Variants in CRHR1 observed in about 807,000 individuals in gnomAD.
The protein encoded by CRHR1 is corticotropin-releasing hormone receptor 1.
In CRHR1, 28 loss-of-function variants were observed where a neutral mutation model predicts 56.0. That is an observed-to-expected ratio of 0.50 (90% CI 0.37 to 0.69). The LOEUF (loss-of-function observed/expected upper bound fraction) is 0.69. Ranked by LOEUF, CRHR1 falls within the 30% of genes least tolerant of loss-of-function variation. The pLI, the probability that CRHR1 is intolerant of heterozygous loss-of-function variation, is 0.00. For synonymous variants in CRHR1, 195 were observed against 216.5 expected, an observed-to-expected ratio of 0.90 and a Z score of 0.87; for missense variants, 376 against 548.0, an observed-to-expected ratio of 0.69 and a Z score of 3.13.
chr17:45,791,515 T>C (rs2061424837), intron 1 of CRHR1, among the ~76,000 whole-genome samples: 1 of 152,092 alleles, frequency 6.6e-6, no homozygotes, highest in Non-Finnish European at 1.5e-5. Context: ...ATTCTTGCTT[T>C]TAACTTTCTC....
In CRHR1 at chr17:45,784,605, C is replaced by A. The variant is rs973929574; in HGVS notation, c.33+28C>A. ...AACAGCCCGCCGGCCATCCCTCGAG[C>A]GCTGGCGCCCCCGGCCCCTGGCGGA... On this transcript the variant is annotated intron_variant, in intron 1 of 12. Transcript: ENST00000314537. The surrounding 1 kb of genome is among the most constrained non-coding windows in gnomAD (Gnocchi z 4.2). The A allele has an allele frequency of 1.5e-5, 23 of 1,537,952 alleles. No homozygotes were observed. The highest frequency in any genetic ancestry group is 1.9e-5 in the Non-Finnish European group (22 of 1,141,498).
intron 1 of CRHR1, among the ~76,000 whole-genome samples, chr17:45,785,207 C>T (rs2061313303): frequency 6.6e-6 from 1 of 152,238 alleles, no homozygotes; most frequent in African/African-American, 2.4e-5. Flanking sequence ...CCTGGGCACC[C>T]GCGATCCCCG....
Position 45,823,606 on chromosome 17 carries a change from C to T in CRHR1, c.327+2166C>T, listed in dbSNP as rs1200025378. Among the ~76,000 whole-genome samples, 12 of 152,240 alleles carry T rather than the reference C, an allele frequency of 7.9e-5. 1 individual carries two copies. The East Asian group carries it at 1.4e-3, about 17-fold the overall frequency. ...TATTTTTGGCAGTTAAGTCAGAGCC[C>T]GGAACCCAGGGCTTTGGAGCCCAGG... On this transcript the variant is annotated intron_variant, in intron 4 of 12. Transcript: ENST00000314537.
rs190030823 is a variant in CRHR1, at chr17:45,802,323, A to G, written c.34-4687A>G. On this transcript the variant is annotated intron_variant, in intron 1 of 12. Coordinates refer to ENST00000314537, the MANE Select transcript of CRHR1 (RefSeq NM_004382.5). ...CTGGGCGACAGAGCAAGACTGTCTC[A>G]AAAAACAAACAAACAAAAAAATTCT... Among the ~76,000 whole-genome samples, 829 of 152,306 alleles carry G rather than the reference A, an allele frequency of 5.4e-3. 7 individuals carry two copies. The highest frequency in any genetic ancestry group is 9.5e-3 in the Non-Finnish European group (643 of 68,026).
intron 3 of CRHR1, 123 bp downstream of exon 3, chr17:45,816,705 CT>C: frequency 6.8e-7 from 1 of 1,471,118 alleles, no homozygotes; most frequent in Admixed American, 2.1e-5. Context: ...GGGATCGCCC[CT>C]GTTTTCCAAA....
chr17:45,830,272 G>A, intron 6 of CRHR1, 58 bp downstream of exon 6: 3 of 1,601,982 alleles, frequency 1.9e-6, no homozygotes, highest in Non-Finnish European at 2.6e-6. Flanking sequence ...CAGAGGAGGG[G>A]CCCGCCTGCC....
chr17:45,815,717 A>G (rs1454787121), intron 2 of CRHR1, among the ~76,000 whole-genome samples: 1 of 152,184 alleles, frequency 6.6e-6, no homozygotes, highest in East Asian at 1.9e-4. Flanking sequence ...AGGGCAAGTG[A>G]CTTGCCTATG....
At chr17:45,820,177 G>A (rs2062012447) in intron 3 of CRHR1, among the ~76,000 whole-genome samples, 1 of 152,222 alleles carries the variant, frequency 6.6e-6, no homozygotes, top group African/African-American at 2.4e-5. Flanking sequence ...GGCCTACAGT[G>A]AGGGAGGCTC....
At chr17:45,821,152 C>T (rs1347886746) in intron 3 of CRHR1, among the ~76,000 whole-genome samples, 1 of 152,244 alleles carries the variant, frequency 6.6e-6, no homozygotes, top group Non-Finnish European at 1.5e-5. Flanking sequence ...GCCACCAACC[C>T]CTGCTGGAGG....
chr17:45,817,222 G>A (rs1363832222), intron 3 of CRHR1, among the ~76,000 whole-genome samples: 1 of 152,204 alleles, frequency 6.6e-6, no homozygotes, highest in African/African-American at 2.4e-5. Context: ...GCAGCTCCCT[G>A]CTATTCCGCC....
Position 45,833,993 on chromosome 17 carries a change from T to G in CRHR1, c.1066-14T>G, listed in dbSNP as rs1216088204. The G allele has an allele frequency of 6.2e-7, 1 of 1,613,908 alleles. No individual in the cohort carries two copies. The highest frequency in any genetic ancestry group is 1.7e-5 in the Admixed American group (1 of 60,026). On this transcript the variant is annotated splice_polypyrimidine_tract_variant and intron_variant, in intron 11 of 12. Coordinates refer to ENST00000314537, the MANE Select transcript of CRHR1 (RefSeq NM_004382.5). ...CCTGCAGCCGACCTTTGACGCCTCC[T>G]CTCTCCTCCCCAGGGCTTCTTTGTG... is the stretch of plus-strand genomic sequence containing the variant.
At chr17:45,808,161 C>A (rs1048007203) in intron 2 of CRHR1, among the ~76,000 whole-genome samples, 6 of 152,206 alleles carry the variant, frequency 3.9e-5, no homozygotes, top group African/African-American at 1.4e-4. Flanking sequence ...ACAGGCTAGT[C>A]TGGGCATCGA....
In CRHR1 at chr17:45,785,025, G is replaced by A. The variant is rs539523514; in HGVS notation, c.33+448G>A. On this transcript the variant is annotated intron_variant, in intron 1 of 12. Coordinates refer to ENST00000314537, the MANE Select transcript of CRHR1 (RefSeq NM_004382.5). ...CCGCACGCCCCCGCCCTAGTCTTGG[G>A]AGCGCGTCCTGCCCCTTCCCCTCCG... is the stretch of plus-strand genomic sequence containing the variant. Among the ~76,000 whole-genome samples, 4 of 152,302 alleles carry A rather than the reference G, an allele frequency of 2.6e-5. No homozygotes were observed. In the East Asian group the frequency reaches 7.7e-4, roughly 30 times the overall value.
At chr17:45,813,886 C>T (rs1260004190) in intron 2 of CRHR1, among the ~76,000 whole-genome samples, 3 of 152,216 alleles carry the variant, frequency 2.0e-5, no homozygotes, top group South Asian at 2.1e-4. Context: ...AAGGTCTCCA[C>T]GTCCCTGGCC....
At chr17:45,825,631 G>A (rs1396862) in intron 4 of CRHR1, 22,274 of 154,556 alleles carry the variant, frequency 0.14, 2,189 homozygotes, top group Non-Finnish European at 0.22. Flanking sequence ...CTGAACTGCA[G>A]AGGTGCTTTT....
chr17:45,817,147 G>A (rs891516578), intron 3 of CRHR1, among the ~76,000 whole-genome samples: 7 of 152,168 alleles, frequency 4.6e-5, no homozygotes, highest in African/African-American at 9.7e-5. Flanking sequence ...AGGGTCCGTC[G>A]GATACTTGAT....
intron 1 of CRHR1, among the ~76,000 whole-genome samples, chr17:45,788,769 T>C (rs1461165552): frequency 9.9e-5 from 15 of 152,270 alleles, no homozygotes; most frequent in Admixed American, 7.9e-4. Context: ...TTCACGGCAC[T>C]GAGCCTCACA....
intron 2 of CRHR1, 144 bp downstream of exon 2, chr17:45,807,241 C>A: frequency 1.4e-6 from 1 of 729,122 alleles, no homozygotes; most frequent in Non-Finnish European, 2.3e-6. Flanking sequence ...AGCAATTCTT[C>A]ACATCTCCAC....
intron 2 of CRHR1, among the ~76,000 whole-genome samples, chr17:45,808,894 C>T (rs1431636395): frequency 6.6e-6 from 1 of 152,182 alleles, no homozygotes; most frequent in Non-Finnish European, 1.5e-5. Flanking sequence ...TCACTGCAGC[C>T]CAGATCTGGG....
Sources: gnomAD v4.1 joint callset for allele counts (sites outside exome capture counted in the v4.1 genomes callset) on GRCh38, gnomAD v4.1.1 for gene constraint, Gnocchi (gnomAD v3.1) non-coding constraint, MANE v1.5 for transcripts, NCBI Gene and HGNC (gene_info 2026-07-23, HGNC 2026-07-21) for gene names.